Variants in MALRD1 observed in about 807,000 individuals in gnomAD.
MALRD1 encodes MAM and LDL-receptor class A domain-containing protein 1.
Under a neutral mutation model 242.1 loss-of-function variants are expected in MALRD1, and 247 were observed. The ratio of observed to expected loss-of-function variants is 1.02; its 90% CI spans 0.92 to 1.13. The LOEUF (loss-of-function observed/expected upper bound fraction) is 1.13. Among genes scored for constraint, MALRD1 ranks in the 50% most tolerant of loss-of-function variants. MALRD1 has a pLI of 0.00. For missense variants in MALRD1, 2,989 were observed against 2,533.1 expected (o/e 1.18, Z -3.86); for synonymous variants, 995 against 866.6 (o/e 1.15, Z -2.60).
At chr10:19,664,783 G>C (rs1394951439) in intron 36 of MALRD1, among the ~76,000 whole-genome samples, 1 of 151,954 alleles carries the variant, frequency 6.6e-6, no homozygotes, top group Non-Finnish European at 1.5e-5. Context: ...TAATATGTTT[G>C]TGTATCTTTA....
chr10:19,586,699 C>G (rs1011216334), intron 33 of MALRD1, among the ~76,000 whole-genome samples: 8 of 152,330 alleles, frequency 5.3e-5, no homozygotes, highest in African/African-American at 1.9e-4. Flanking sequence ...GCCCTGCCCC[C>G]AGAGGTGGAG....
intron 18 of MALRD1, among the ~76,000 whole-genome samples, chr10:19,242,905 T>C (rs1210846597): frequency 1.3e-5 from 2 of 152,078 alleles, no homozygotes; most frequent in African/African-American, 4.8e-5. Context: ...TTAATTAGAG[T>C]TTAATCCACT....
rs186620850 is a variant in MALRD1 at position 19,479,521 on chromosome 10, G to T, written c.5030-11996G>T. Among the ~76,000 whole-genome samples the T allele has an allele frequency of 3.4e-3, 517 of 152,262 alleles. 3 individuals carry two copies. Among genetic ancestry groups the T allele is most frequent in the African/African-American group, 0.01 (430 of 41,550 alleles). On this transcript the variant is annotated intron_variant, in intron 29 of 39. Transcript: ENST00000454679. ...AAATTAGGTAAGTGACATAAGAATT[G>T]TAGTACCTGCTTCACGAAGCTGTTT...
chr10:19,162,881 C>T (rs1588633974), intron 12 of MALRD1, among the ~76,000 whole-genome samples: 1 of 151,946 alleles, frequency 6.6e-6, no homozygotes, highest in East Asian at 1.9e-4. Flanking sequence ...CCTGTAATCC[C>T]AGTACTTTGG....
At chr10:19,702,292 A>G (rs757857045) in intron 38 of MALRD1, among the ~76,000 whole-genome samples, 1 of 152,002 alleles carries the variant, frequency 6.6e-6, no homozygotes, top group African/African-American at 2.4e-5. Context: ...TCCACACCCT[A>G]CTCTTGGGAA....
intron 19 of MALRD1, among the ~76,000 whole-genome samples, chr10:19,261,579 A>G (rs1242423144): frequency 1.3e-5 from 2 of 151,554 alleles, no homozygotes; most frequent in African/African-American, 2.4e-5. Context: ...TTAACTGATT[A>G]TTTGTTTATA....
At chr10:19,671,358 C>G (rs1450716642) in intron 36 of MALRD1, among the ~76,000 whole-genome samples, 1 of 152,166 alleles carries the variant, frequency 6.6e-6, no homozygotes, top group Non-Finnish European at 1.5e-5. Context: ...TGACTCACAC[C>G]TGTAATCCCA....
intron 29 of MALRD1, among the ~76,000 whole-genome samples, chr10:19,476,854 C>A (rs1836761142): frequency 1.3e-5 from 2 of 152,112 alleles, no homozygotes; most frequent in Admixed American, 1.3e-4. Flanking sequence ...GGTATGTACA[C>A]TTCAGAAATA....
At chr10:19,317,338 A>G (rs1424495147) in intron 21 of MALRD1, among the ~76,000 whole-genome samples, 1 of 151,892 alleles carries the variant, frequency 6.6e-6, no homozygotes, top group Non-Finnish European at 1.5e-5. Context: ...AATCCCAATC[A>G]TGACAGTTTT....
intron 21 of MALRD1, among the ~76,000 whole-genome samples, chr10:19,306,566 T>G (rs1842217962): frequency 6.7e-6 from 1 of 148,644 alleles, no homozygotes; most frequent in Admixed American, 6.8e-5. Flanking sequence ...TATGGTAGTA[T>G]ATATATACCT....
At chr10:19,049,900 AG>A (rs1295668296) in intron 1 of MALRD1, among the ~76,000 whole-genome samples, 9 of 152,278 alleles carry the variant, frequency 5.9e-5, no homozygotes, top group Admixed American at 4.6e-4. Flanking sequence ...TGCAATCTTC[AG>A]GGTTCACCAT....
intron 13 of MALRD1, among the ~76,000 whole-genome samples, chr10:19,168,374 G>T (rs1182854909): frequency 6.6e-6 from 1 of 152,122 alleles, no homozygotes; most frequent in African/African-American, 2.4e-5. Context: ...CATTCGGTTT[G>T]CTTTTAGTTA....
At chr10:19,390,152 G>T (rs944778301) in intron 28 of MALRD1, among the ~76,000 whole-genome samples, 3 of 152,178 alleles carry the variant, frequency 2.0e-5, no homozygotes, top group African/African-American at 7.2e-5. Flanking sequence ...TTATATAATA[G>T]TAATTAATCT....
intron 36 of MALRD1, among the ~76,000 whole-genome samples, chr10:19,645,966 G>A (rs954769124): frequency 4.6e-5 from 7 of 151,880 alleles, no homozygotes; most frequent in Admixed American, 2.6e-4. Context: ...GTTTTCCTAC[G>A]AAAACAAATT....
chr10:19,654,002 G>C (rs970844257), intron 36 of MALRD1, among the ~76,000 whole-genome samples: 6 of 152,148 alleles, frequency 3.9e-5, no homozygotes, highest in African/African-American at 1.4e-4. Context: ...TGTTAACAAT[G>C]AGCAGAGTTA....
At chr10:19,485,538 G>T (rs1025486788) in intron 29 of MALRD1, among the ~76,000 whole-genome samples, 4 of 151,866 alleles carry the variant, frequency 2.6e-5, no homozygotes, top group African/African-American at 9.7e-5. Context: ...AGCTACTGGG[G>T]AGGCTGAGGC....
At chr10:19,393,571 A>G (rs1270386343) in intron 28 of MALRD1, among the ~76,000 whole-genome samples, 1 of 148,180 alleles carries the variant, frequency 6.7e-6, no homozygotes, top group Non-Finnish European at 1.5e-5. Flanking sequence ...TCAGCCTCCC[A>G]AGTAGCTGGG....
chr10:19,699,541 T>G (rs1219620608), intron 38 of MALRD1, among the ~76,000 whole-genome samples: 1 of 152,128 alleles, frequency 6.6e-6, no homozygotes, highest in Non-Finnish European at 1.5e-5. Context: ...CACAGCTACC[T>G]TTCCTTTAAA....
chr10:19,283,518 A>T lies in MALRD1; in HGVS notation c.3419+337A>T, dbSNP rs191075547. The stretch of plus-strand genomic sequence containing the variant: ...AATGTCTTTTCTCCTTCCCTTTTCC[A>T]TCTCTTCCACCACCTCCTCCTCCCA... On this transcript the variant is annotated intron_variant, in intron 21 of 39. Coordinates refer to ENST00000454679, the MANE Select transcript of MALRD1 (RefSeq NM_001142308.3). Among the ~76,000 whole-genome samples, 22 of 151,870 alleles carry T rather than the reference A, an allele frequency of 1.4e-4. No individual in the cohort carries two copies. In the East Asian group the frequency reaches 3.9e-3, roughly 27 times the overall value.
Sources: allele counts gnomAD v4.1 joint callset (sites outside exome capture counted in the v4.1 genomes callset), GRCh38; gene constraint gnomAD v4.1.1; transcripts MANE v1.5; gene names NCBI Gene and HGNC (gene_info 2026-07-23, HGNC 2026-07-21).